ADH1B: variants seen among roughly 807,000 people sequenced by gnomAD.
The protein encoded by ADH1B is alcohol dehydrogenase 1B (class I), beta polypeptide.
In ADH1B, 29 loss-of-function variants were observed where a neutral mutation model predicts 34.6. The ratio of observed to expected loss-of-function variants is 0.84; its 90% CI spans 0.62 to 1.14. The LOEUF is 1.14. Among genes scored for constraint, ADH1B ranks in the 50% most tolerant of loss-of-function variants. The pLI is 0.00. For missense variants in ADH1B, 424 were observed against 468.4 expected (o/e 0.91, Z 0.87); for synonymous variants, 170 against 175.5 (o/e 0.97, Z 0.25).
chr4:99,314,141 T>C, intron 5 of ADH1B, 60 bp from the exon 6 acceptor site: 4 of 1,591,066 alleles, frequency 2.5e-6, no homozygotes, highest in Non-Finnish European at 1.7e-6. Context: ...GTGCCTAAGC[T>C]TCATAAAGTG....
chr4:99,315,483 C>G, intron 5 of ADH1B: 1 of 263,370 alleles, frequency 3.8e-6, no homozygotes, highest in Non-Finnish European at 7.4e-6. Flanking sequence ...GATCCTATTT[C>G]TGGGAGGAGA....
chr4:99,321,186 G>A, intron 1 of ADH1B, 128 bp downstream of exon 1: 2 of 808,160 alleles, frequency 2.5e-6, no homozygotes, highest in South Asian at 3.1e-5. Context: ...GGTGTATATT[G>A]CATATCATAT....
At chr4:99,318,325 A>C (rs889144778) in intron 2 of ADH1B, 141 bp from the exon 3 acceptor site, 14 of 1,120,928 alleles carry the variant, frequency 1.2e-5, no homozygotes, top group Admixed American at 2.5e-5. Flanking sequence ...AATATGAAAG[A>C]TTCAGTTTAT....
Position 99,310,092 on chromosome 4 carries a change from A to G in ADH1B, c.1103+673T>C, listed in dbSNP as rs573105646. Among the ~76,000 whole-genome samples, 7 of 152,298 alleles carry G rather than the reference A, an allele frequency of 4.6e-5. No individual in the cohort carries two copies. The East Asian group carries it at 1.3e-3, about 29-fold the overall frequency. Reference sequence around the variant, plus strand: ...GTTGTGCCTCATGTAAATGCAGGTGACAAAATTCATTTTAATAGCTGGTTG... The same window carrying G: ...GTTGTGCCTCATGTAAATGCAGGTGGCAAAATTCATTTTAATAGCTGGTTG... On this transcript the variant is annotated intron_variant, in intron 8 of 8. Transcript: ENST00000305046.
chr4:99,307,949 C>T lies in ADH1B; in HGVS notation c.1104-85G>A, dbSNP rs1298336862. On this transcript the variant is annotated intron_variant, in intron 8 of 8. Transcript: ENST00000305046. ...AGAGTCCAAGGAGCATCTGAGGTGT[C>T]TTAGTGAAAATCTGTCTGTGATCCC... is the stretch of plus-strand genomic sequence containing the variant. 3.8e-6 allele frequency: 6 copies of T among 1,571,350 alleles called. No individual in the cohort carries two copies. The African/African-American group carries it at 8.2e-5, about 21-fold the overall frequency.
At chr4:99,320,045 T>C (rs1399954820) in intron 1 of ADH1B, 1 of 152,176 alleles carries the variant, frequency 6.6e-6, no homozygotes, top group Non-Finnish European at 1.5e-5. Flanking sequence ...AATTTATTCA[T>C]TGATTAATTT....
At chr4:99,319,211 C>T (rs1733961481) in intron 1 of ADH1B, 1 of 398,992 alleles carries the variant, frequency 2.5e-6, no homozygotes, top group East Asian at 5.7e-5. Flanking sequence ...CGTCTACCCA[C>T]AACTATTAGC....
rs74451421 is a variant in ADH1B at position 99,313,838 on chromosome 4, C to T, written c.811G>A (p.Gly271Ser). 1,063 of 1,614,030 alleles carry T rather than the reference C, an allele frequency of 6.6e-4. 5 individuals are homozygous for T. Among genetic ancestry groups the T allele is most frequent in the Admixed American group, 1.2e-3 (74 of 60,026 alleles). The change falls in exon 6 of 9, where the codon GGT becomes AGT. Residue 271 changes from glycine to serine, a missense_variant. By Grantham distance (56) the Gly-to-Ser change is moderately conservative. Coordinates refer to ENST00000305046, the MANE Select transcript of ADH1B (RefSeq NM_000668.6). ...GGVDFSFEVI[G>S]RLDTMMASLL... ...GTACATACCATGGTGTCAAGCCGAC[C>T]GATGACTTCAAACGAAAAATCCACA... is the stretch of plus-strand genomic sequence containing the variant.
At chr4:99,319,744 T>C (rs1733979129) in intron 1 of ADH1B, 1 of 152,156 alleles carries the variant, frequency 6.6e-6, no homozygotes, top group Admixed American at 6.5e-5. Context: ...ATCTTCGTTG[T>C]GGTAAAGCAT....
chr4:99,315,998 T>C lies in ADH1B; in HGVS notation c.467A>G (p.Asn156Ser). ...TFSQYTVVDE[N>S]AVAKIDAASP... Reference sequence around the variant, plus strand: ...GGCTGCATCAATTTTGGCCACTGCATTCTCATCCACCACCGTGTACTGGGA... The same window carrying C: ...GGCTGCATCAATTTTGGCCACTGCACTCTCATCCACCACCGTGTACTGGGA... Residue 156 changes from asparagine (N) to serine (S), a missense_variant, in exon 5 of 9, where the codon AAT becomes AGT. Physicochemically the swap from Asn to Ser is conservative, Grantham distance 46. Transcript: ENST00000305046. 1 of 1,614,174 alleles carries C rather than the reference T, an allele frequency of 6.2e-7. No homozygotes were observed. The highest frequency in any genetic ancestry group is 8.5e-7 in the Non-Finnish European group (1 of 1,180,018).
intron 6 of ADH1B, among the ~76,000 whole-genome samples, chr4:99,312,194 G>C (rs1355267834): frequency 2.0e-5 from 3 of 152,202 alleles, no homozygotes; most frequent in African/African-American, 7.2e-5. Context: ...AATGGTTAAA[G>C]ATCCCCGTAG....
At chr4:99,318,253 T>TTCC (rs1733938374) in intron 2 of ADH1B, 69 bp from the exon 3 acceptor site, 10 of 1,584,134 alleles carry the variant, frequency 6.3e-6, no homozygotes, top group Middle Eastern at 1.7e-4. Flanking sequence ...CATACCCAAA[T>TTCC]TCCTGAAATT....
rs1389807535 is a variant in ADH1B at position 99,318,178 on chromosome 4, C to G, written c.127G>C (p.Ala43Pro). 6.2e-7 allele frequency: 1 copy of G among 1,613,944 alleles called. No homozygotes were observed. The highest frequency in any genetic ancestry group is 8.5e-7 in the Non-Finnish European group (1 of 1,179,984). Residue 43 changes from alanine to proline, a missense_variant, in exon 3 of 9, where the codon GCT becomes CCT. By Grantham distance (27) the Ala-to-Pro change is conservative (BLOSUM62 -1). Around this residue, in one of 3 missense-constraint regions of ADH1B, gnomAD observed 291 missense variants for 300.4 expected, o/e 0.97. Coordinates refer to ENST00000305046, the MANE Select transcript of ADH1B (RefSeq NM_000668.6). ...TCATCTGTGTGACAGATTCCTACAG[C>G]CACCATCTACAGAATAAAGAGAAGC... ...KAYEVRIKMV[A>P]VGICHTDDHV...
In ADH1B at chr4:99,305,501, C is replaced by T. The variant is rs933182443; in HGVS notation, c.*2339G>A. 1.1e-4 allele frequency: 10 copies of T among 94,376 alleles called. No individual in the cohort carries two copies. The highest frequency in any genetic ancestry group is 2.2e-4 in the Admixed American group (2 of 9,124). The allele number at this position is 94,376 out of a possible 1,614,324, so 5.8% of individuals were successfully genotyped here. ...AGCCAATACTTTCTACACTGGAATA[C>T]ATATATATATATATATATATATACA... On this transcript the variant is annotated 3_prime_UTR_variant, in exon 9 of 9. Transcript: ENST00000305046.
At chr4:99,312,861 G>GA (rs28914769) in intron 6 of ADH1B, among the ~76,000 whole-genome samples, 4,444 of 151,320 alleles carry the variant, frequency 0.029, 74 homozygotes, top group African/African-American at 0.035. Context: ...TCAAAAAAAA[G>GA]AAAAAAAAGT....
intron 6 of ADH1B, among the ~76,000 whole-genome samples, chr4:99,312,024 A>T (rs964128657): frequency 2.6e-5 from 4 of 152,298 alleles, no homozygotes; most frequent in Middle Eastern, 3.4e-3. Flanking sequence ...TTCCTATTCT[A>T]CTGTCCATTT....
At chr4:99,320,639 T>G in intron 1 of ADH1B, 1 of 296,758 alleles carries the variant, frequency 3.4e-6, no homozygotes, top group East Asian at 1.4e-4. Context: ...TCAAATTGTA[T>G]TATTATTCAA....
At chr4:99,311,758 T>G in intron 6 of ADH1B, 102 bp from the exon 7 acceptor site, 1 of 1,498,336 alleles carries the variant, frequency 6.7e-7, no homozygotes, top group Non-Finnish European at 9.1e-7. Flanking sequence ...TGTGAGTGTG[T>G]AGAGGGAAGA....
At chr4:99,318,530 T>C in intron 2 of ADH1B, 1 of 515,206 alleles carries the variant, frequency 1.9e-6, no homozygotes. Flanking sequence ...AGTCTTGATA[T>C]ATATCCTTTG....
Sources: allele counts gnomAD v4.1 joint callset (sites outside exome capture counted in the v4.1 genomes callset), GRCh38; gene constraint gnomAD v4.1.1; regional missense constraint gnomAD v4.1.1; transcripts MANE v1.5; gene names NCBI Gene and HGNC (gene_info 2026-07-23, HGNC 2026-07-21).